The following SEC14L3 variants were observed in gnomAD, a reference collection of about 807,000 sequenced individuals.
The protein encoded by SEC14L3 is SEC14-like protein 3.
In SEC14L3, 56 loss-of-function variants were observed where a neutral mutation model predicts 57.4. The ratio of observed to expected loss-of-function variants is 0.97; its 90% CI spans 0.79 to 1.22. SEC14L3 has a LOEUF of 1.22. Among genes scored for constraint, SEC14L3 ranks in the 50% most tolerant of loss-of-function variants. The probability of loss-of-function intolerance (pLI) is 0.00; values close to 1 mark genes in which losing one functional copy is unlikely to be tolerated. For synonymous variants in SEC14L3, 173 were observed against 194.4 expected (o/e 0.89, Z 0.92); for missense variants, 485 against 511.7 (o/e 0.95, Z 0.50).
chr22:30,460,232 C>A, intron 11 of SEC14L3, 90 bp from the exon 12 acceptor site: 1 of 1,533,506 alleles, frequency 6.5e-7, no homozygotes. Flanking sequence ...GGCTTGTGTT[C>A]CCACTGGCTT....
chr22:30,455,313 A>C (rs1244648224), downstream of SEC14L3, among the ~76,000 whole-genome samples: 2 of 144,802 alleles, frequency 1.4e-5, no homozygotes, highest in Non-Finnish European at 3.0e-5. Flanking sequence ...CAGTGATGTG[A>C]CCTCGGCTCA....
At chr22:30,448,717 A>AAAAG (rs997357414) in exon 13 of SEC14L3, 14 of 173,584 alleles carry the variant, frequency 8.1e-5, no homozygotes, top group Admixed American at 2.3e-4. Flanking sequence ...CCAAAAAAAA[A>AAAAG]AAAGAAAGAA....
At chr22:30,470,645 A>T (rs1935577742) in intron 1 of SEC14L3, 63 bp from the exon 2 acceptor site, 1 of 1,610,254 alleles carries the variant, frequency 6.2e-7, no homozygotes, top group African/African-American at 1.3e-5. Flanking sequence ...CCAGACTCAA[A>T]GACTGTTTTC....
rs781442130 is a variant in SEC14L3 at position 30,470,546 on chromosome 22, G to T, written c.91C>A (p.Pro31Thr). Reference sequence around the variant, plus strand: ...AGAAGGAAATAATCATCAGGGTTGGGCAGGGCAGGAAGCACATCCTGGACG... The same window carrying T: ...AGAAGGAAATAATCATCAGGGTTGGTCAGGGCAGGAAGCACATCCTGGACG... ...ENVQDVLPALPNPDDYFLLRW... is the reference protein window; with the variant it reads ...ENVQDVLPALTNPDDYFLLRW... Residue 31 changes from proline to threonine, a missense_variant, in exon 2 of 12, where the codon CCC becomes ACC. Coordinates refer to ENST00000215812, the MANE Select transcript of SEC14L3 (RefSeq NM_174975.5). 6.2e-7 allele frequency: 1 copy of T among 1,614,176 alleles called. No homozygotes were observed. Among genetic ancestry groups the T allele is most frequent in the East Asian group, 2.2e-5 (1 of 44,884 alleles).
chr22:30,470,283 G>A, intron 2 of SEC14L3, 28 bp from the exon 3 acceptor site: 2 of 1,609,924 alleles, frequency 1.2e-6, no homozygotes, highest in Non-Finnish European at 1.7e-6. Flanking sequence ...GAAGGTGTGA[G>A]ACAGGAAAGA....
chr22:30,449,217 C>A, exon 13 of SEC14L3: 1 of 1,550,464 alleles, frequency 6.4e-7, no homozygotes, highest in Non-Finnish European at 8.7e-7. Flanking sequence ...CAGATGACAG[C>A]AAGACTTCCC....
Position 30,461,418 on chromosome 22 carries a change from C to T in SEC14L3, c.973G>A (p.Gly325Arg). 4.3e-6 allele frequency: 7 copies of T among 1,614,036 alleles called. No individual in the cohort carries two copies. The highest frequency in any genetic ancestry group is 5.9e-6 in the Non-Finnish European group (7 of 1,179,956). ...ATCTCCCCTGCCCGCTGTCGCTCCC[C>T]CATCTTGGTCTTCAGGAAAACTCCG... ...GFGVFLKTKM[G>R]ERQRAGEMTD... is the part of the protein sequence containing the mutation. The change falls in exon 11 of 12, where the codon GGG becomes AGG. Residue 325 changes from glycine (G) to arginine (R), a missense_variant. Coordinates refer to ENST00000215812, the MANE Select transcript of SEC14L3 (RefSeq NM_174975.5).
Position 30,464,828 on chromosome 22 carries a change from AC to A in SEC14L3, c.655del (p.Val219CysfsTer11), listed in dbSNP as rs748471590. ...GAGCTGGCACTACTTACTTCCCAACACAATAATTTTCCTGCGAGTGTCCTCA... is the reference window on the plus strand; with the variant it reads ...GAGCTGGCACTACTTACTTCCCAACAAATAATTTTCCTGCGAGTGTCCTCA... ...LSEDTRRKIIVLGNNWKEGLL... is the reference protein window; with the variant it reads ...LSEDTRRKIIXLGNNWKEGLL... On this transcript the variant is annotated frameshift_variant, in exon 8 of 12. Coordinates refer to ENST00000215812, the MANE Select transcript of SEC14L3 (RefSeq NM_174975.5). LOFTEE classifies it high-confidence loss of function. 8.8e-5 allele frequency: 142 copies of A among 1,614,004 alleles called. No individual in the cohort carries two copies. Among genetic ancestry groups the A allele is most frequent in the Non-Finnish European group, 1.2e-4 (137 of 1,179,996 alleles).
chr22:30,460,842 A>G (rs1935232252), intron 11 of SEC14L3, among the ~76,000 whole-genome samples: 1 of 151,710 alleles, frequency 6.6e-6, no homozygotes, highest in Admixed American at 6.6e-5. Flanking sequence ...AAAAAAAAAA[A>G]AAAAAAAAAG....
chr22:30,466,400 G>A lies in SEC14L3; in HGVS notation c.520-6C>T, dbSNP rs377536593. The A allele has an allele frequency of 6.9e-5, 111 of 1,613,942 alleles. No individual in the cohort carries two copies. Among genetic ancestry groups the A allele is most frequent in the Non-Finnish European group, 9.3e-5 (110 of 1,179,982 alleles). ...TCTTCAAGGAGGCCAAAGAACTGTG[G>A]AACCAAGAGAGATCCCTTCAGAGAG... On this transcript the variant is annotated splice_polypyrimidine_tract_variant and splice_region_variant and intron_variant, in intron 6 of 11. Coordinates refer to ENST00000215812, the MANE Select transcript of SEC14L3 (RefSeq NM_174975.5).
At chr22:30,462,532 G>A (rs1935299972) in intron 8 of SEC14L3, among the ~76,000 whole-genome samples, 1 of 151,944 alleles carries the variant, frequency 6.6e-6, no homozygotes, top group African/African-American at 2.4e-5. Context: ...TCAGCCTCCT[G>A]CGTAGCTGGG....
downstream of SEC14L3, among the ~76,000 whole-genome samples, chr22:30,454,747 A>G (rs1222979520): frequency 2.4e-5 from 2 of 82,676 alleles, no homozygotes; most frequent in African/African-American, 1.1e-4. Flanking sequence ...TAATAATATT[A>G]TTATATATAA....
At position 30,470,518 on chromosome 22, in the gene SEC14L3, C is replaced by T. The variant is rs779212985; in HGVS notation, c.119G>A (p.Arg40His). Reference sequence around the variant, plus strand: ...ACCTCTGCCCTCACCTCGGAGCCAGCGTAGAAGGAAATAATCATCAGGGTT... The same window carrying T: ...ACCTCTGCCCTCACCTCGGAGCCAGTGTAGAAGGAAATAATCATCAGGGTT... ...LPNPDDYFLL[R>H]WLRARNFDLQ... Residue 40 changes from arginine to histidine, a missense_variant, in exon 2 of 12, where the codon CGC (arginine) becomes CAC (histidine). By Grantham distance (29) the Arg-to-His change is conservative. Transcript: ENST00000215812. 30 of 1,614,026 alleles carry T rather than the reference C, an allele frequency of 1.9e-5. No individual in the cohort carries two copies. Among genetic ancestry groups the T allele is most frequent in the Middle Eastern group, 1.6e-4 (1 of 6,070 alleles).
At chr22:30,456,318 A>AC (rs56245979), downstream of SEC14L3, among the ~76,000 whole-genome samples, 3 of 146,240 alleles carry the variant, frequency 2.1e-5, no homozygotes, top group Admixed American at 1.4e-4. Flanking sequence ...AAAAAAAAAA[A>AC]CAAACACCAA....
chr22:30,468,573 G>C lies in SEC14L3; in HGVS notation c.358C>G (p.Leu120Val). Residue 120 changes from leucine to valine, a missense_variant, in exon 5 of 12, where the codon CTG becomes GTG. Transcript: ENST00000215812. ...CAGTCCCTCATCTTGGTCTTGAGCAGGTCCTGCTTGGTGACTGAGAAGAGC... is the reference window on the plus strand; with the variant it reads ...CAGTCCCTCATCTTGGTCTTGAGCACGTCCTGCTTGGTGACTGAGAAGAGC... ...GLLFSVTKQD[L>V]LKTKMRDCER... The C allele has an allele frequency of 3.7e-6, 6 of 1,613,972 alleles. No homozygotes were observed. Among genetic ancestry groups the C allele is most frequent in the Non-Finnish European group, 5.1e-6 (6 of 1,180,028 alleles).
intron 8 of SEC14L3, among the ~76,000 whole-genome samples, chr22:30,462,808 G>A (rs1471430349): frequency 2.0e-5 from 3 of 150,034 alleles, no homozygotes; most frequent in African/African-American, 7.4e-5. Context: ...TGTGGTCTCA[G>A]CTCACTGCAA....
chr22:30,452,215 A>G (rs551963674), intron 12 of SEC14L3, among the ~76,000 whole-genome samples: 51 of 149,314 alleles, frequency 3.4e-4, no homozygotes, highest in Admixed American at 8.7e-4. Context: ...AGATAACTGC[A>G]CGTGCTCAAG....
intron 8 of SEC14L3, among the ~76,000 whole-genome samples, chr22:30,463,885 G>GA (rs1935340234): frequency 6.6e-6 from 1 of 152,024 alleles, no homozygotes; most frequent in Non-Finnish European, 1.5e-5. Flanking sequence ...AAAACCACAC[G>GA]ATCTCTCACT....
downstream of SEC14L3, among the ~76,000 whole-genome samples, chr22:30,458,717 A>G (rs547417620): frequency 2.0e-5 from 3 of 152,264 alleles, no homozygotes; most frequent in East Asian, 5.8e-4. Context: ...TGGAGTAAAC[A>G]AAGCAAAAAC....
Sources: gnomAD v4.1 joint callset for allele counts (sites outside exome capture counted in the v4.1 genomes callset) on GRCh38, gnomAD v4.1.1 for gene constraint, MANE v1.5 for transcripts, NCBI Gene and HGNC (gene_info 2026-07-23, HGNC 2026-07-21) for gene names.